CD40: variants seen among roughly 807,000 people sequenced by gnomAD.
CD40 encodes tumor necrosis factor receptor superfamily member 5.
Under a neutral mutation model 38.5 loss-of-function variants are expected in CD40, and 19 were observed. The ratio of observed to expected loss-of-function variants is 0.49; its 90% CI spans 0.34 to 0.72. The LOEUF (loss-of-function observed/expected upper bound fraction) is 0.72. CD40 is among the 30% of genes least tolerant of loss of function. The pLI is 0.01. For synonymous variants in CD40, 130 were observed against 128.7 expected (o/e 1.01, Z -0.07); for missense variants, 256 against 344.1 (o/e 0.74, Z 2.03).
chr20:46,128,379 C>T lies in CD40; in HGVS notation c.675+21C>T, dbSNP rs73310754. ...ATAAGGTAGGTCACCCCTGAGAACC[C>T]GGGACAGAGTTTTGACAAACTGGGA... is the stretch of plus-strand genomic sequence containing the variant. On this transcript the variant is annotated intron_variant, in intron 8 of 8. Transcript: ENST00000372285. 1.2e-3 allele frequency: 1,858 copies of T among 1,611,304 alleles called. 25 individuals carry two copies. In the African/African-American group the frequency reaches 0.02, roughly 17 times the overall value.
At position 46,122,273 on chromosome 20, in the gene CD40, G is replaced by A. The variant is rs115724543; in HGVS notation, c.171G>A (p.Thr57=). ...GTGACTGCACAGAGTTCACTGAAACGGAATGCCTTCCTTGCGGTGAAAGCG... is the reference window on the plus strand; with the variant it reads ...GTGACTGCACAGAGTTCACTGAAACAGAATGCCTTCCTTGCGGTGAAAGCG... ...LVSDCTEFTE[T]ECLPCGESEF... The change falls in exon 3 of 9, where the codon ACG becomes ACA. Residue 57 remains threonine, a synonymous_variant. Coordinates refer to ENST00000372285, the MANE Select transcript of CD40 (RefSeq NM_001250.6). This position sits in a 1 kb window ranked among gnomAD's most constrained non-coding sequence, Gnocchi z 5.0. 20 of 1,614,180 alleles carry A rather than the reference G, an allele frequency of 1.2e-5. No homozygotes were observed. The highest frequency in any genetic ancestry group is 1.1e-4 in the African/African-American group (8 of 75,038).
chr20:46,120,582 G>A (rs1388201830), intron 1 of CD40, among the ~76,000 whole-genome samples: 1 of 152,224 alleles, frequency 6.6e-6, no homozygotes, highest in Non-Finnish European at 1.5e-5. Flanking sequence ...GCCTCTCAAA[G>A]GCTTGCTAAT....
chr20:46,129,067 A>G lies in CD40; in HGVS notation c.*27A>G. Reference sequence around the variant, plus strand: ...GCTGCACCCACCCAGGAGTGTGGCCACGTGGGCAAACAGGCAGTTGGCCAG... The same window carrying G: ...GCTGCACCCACCCAGGAGTGTGGCCGCGTGGGCAAACAGGCAGTTGGCCAG... On this transcript the variant is annotated 3_prime_UTR_variant, in exon 9 of 9. Coordinates refer to ENST00000372285, the MANE Select transcript of CD40 (RefSeq NM_001250.6). 1 of 1,613,036 alleles carries G rather than the reference A, an allele frequency of 6.2e-7. No individual in the cohort carries two copies. Among genetic ancestry groups the G allele is most frequent in the Non-Finnish European group, 8.5e-7 (1 of 1,179,438 alleles).
intron 5 of CD40, among the ~76,000 whole-genome samples, chr20:46,125,469 G>T (rs1020513205): frequency 2.0e-5 from 3 of 149,946 alleles, no homozygotes; most frequent in Admixed American, 1.3e-4. Flanking sequence ...GCTTGAACCT[G>T]GGAGGTGGAG....
At chr20:46,120,056 T>A (rs1229560522) in intron 1 of CD40, among the ~76,000 whole-genome samples, 1 of 152,154 alleles carries the variant, frequency 6.6e-6, no homozygotes, top group Non-Finnish European at 1.5e-5. Context: ...CTTTTCTACT[T>A]CCTTTCCCAT....
chr20:46,124,751 GTTTTTT>G lies in CD40; in HGVS notation c.497+1560_497+1565del, dbSNP rs780015926. ...GATAACTGGAGGCACCACTGGTATA[GTTTTTT>G]TTTTTTTTTTTTTTTTTTTTTTTTT... On this transcript the variant is annotated intron_variant, in intron 5 of 8. Coordinates refer to ENST00000372285, the MANE Select transcript of CD40 (RefSeq NM_001250.6). Among the ~76,000 whole-genome samples, 76 of 73,958 alleles carry G rather than the reference GTTTTTT, an allele frequency of 1.0e-3. 1 individual carries two copies. The highest frequency in any genetic ancestry group is 1.2e-3 in the African/African-American group (22 of 18,158). The allele number at this position is 73,958 out of a possible 152,430, so 48.5% of individuals were successfully genotyped here. A position where few individuals can be genotyped will look rare whatever the true frequency, so the allele number is the denominator to read the frequency against.
At chr20:46,123,318 A>G in intron 5 of CD40, 99 bp downstream of exon 5, 1 of 913,722 alleles carries the variant, frequency 1.1e-6, no homozygotes, top group Admixed American at 1.7e-5. Flanking sequence ...CCAGAGGTCC[A>G]CACACACTCA....
chr20:46,127,684 T>A lies in CD40; in HGVS notation c.560-454T>A, dbSNP rs77267631. 1.6e-3 allele frequency among the ~76,000 whole-genome samples: 239 copies of A among 152,368 alleles called. 9 individuals are homozygous for A. The East Asian group carries it at 0.044, about 28-fold the overall frequency. On this transcript the variant is annotated intron_variant, in intron 6 of 8. Transcript: ENST00000372285. Reference sequence around the variant, plus strand: ...AAAAAAAATTCGGCATGAGAAATACTTTACCTTTCCCCTCCACTCTTCTAT... The same window carrying A: ...AAAAAAAATTCGGCATGAGAAATACATTACCTTTCCCCTCCACTCTTCTAT...
chr20:46,123,055 A>ACTGG, intron 4 of CD40, 71 bp from the exon 5 acceptor site: 1 of 1,220,986 alleles, frequency 8.2e-7, no homozygotes, highest in Admixed American at 1.7e-5. Context: ...CTGCCTGGCC[A>ACTGG]CTGGCTGCCT....
intron 1 of CD40, among the ~76,000 whole-genome samples, chr20:46,121,175 A>G (rs1043535607): frequency 2.6e-5 from 4 of 152,262 alleles, no homozygotes; most frequent in African/African-American, 9.6e-5. Context: ...AGAGAGGAGC[A>G]TTGAGACCTG....
intron 5 of CD40, among the ~76,000 whole-genome samples, chr20:46,124,911 C>T (rs1398050640): frequency 6.6e-6 from 1 of 151,398 alleles, no homozygotes; most frequent in Non-Finnish European, 1.5e-5. Context: ...GGACTATAGG[C>T]GCCCGCCACC....
rs2085325980 is a variant in CD40, at chr20:46,121,897, A to G, written c.129A>G (p.Pro43=). The part of the protein sequence containing the change: ...INSQCCSLCQ[P]GQKLVSDCTE... ...GTCAGTGCTGTTCTTTGTGCCAGCC[A>G]GGTGAGATGCCAACCCTCTAGCCCC... The change falls in exon 2 of 9, where the codon CCA becomes CCG. Residue 43 remains proline, a splice_region_variant and synonymous_variant. Transcript: ENST00000372285. 1 of 1,612,992 alleles carries G rather than the reference A, an allele frequency of 6.2e-7. No individual in the cohort carries two copies. The highest frequency in any genetic ancestry group is 1.3e-5 in the African/African-American group (1 of 74,926).
chr20:46,119,073 T>G (rs921310459), intron 1 of CD40, among the ~76,000 whole-genome samples: 2 of 138 alleles, frequency 0.014, no homozygotes, highest in African/African-American at 0.077. Flanking sequence ...TCTGGTTGGC[T>G]CTGACAGGGC....
chr20:46,127,073 A>G (rs1276733267), intron 6 of CD40: 1 of 316,702 alleles, frequency 3.2e-6, no homozygotes, highest in Non-Finnish European at 6.1e-6. Flanking sequence ...AACATGGTAC[A>G]TGTATACATA....
chr20:46,119,179 A>G (rs11569305), intron 1 of CD40, among the ~76,000 whole-genome samples: 2 of 152,312 alleles, frequency 1.3e-5, no homozygotes, highest in South Asian at 2.1e-4. Flanking sequence ...AGAAGCCTAC[A>G]CTTGACTCAC....
rs1017859412 is a variant in CD40 at position 46,121,923 on chromosome 20, A to G, written c.130+25A>G. On this transcript the variant is annotated intron_variant, in intron 2 of 8. Coordinates refer to ENST00000372285, the MANE Select transcript of CD40 (RefSeq NM_001250.6). ...GGTGAGATGCCAACCCTCTAGCCCCATCATGGAGTCCCCCTTTGCTTTGGT... is the reference window on the plus strand; with the variant it reads ...GGTGAGATGCCAACCCTCTAGCCCCGTCATGGAGTCCCCCTTTGCTTTGGT... 3.8e-6 allele frequency: 6 copies of G among 1,584,204 alleles called. No homozygotes were observed. In the African/African-American group the frequency reaches 5.4e-5, roughly 14 times the overall value.
intron 1 of CD40, among the ~76,000 whole-genome samples, chr20:46,120,707 CT>C (rs1203223485): frequency 6.6e-6 from 1 of 152,144 alleles, no homozygotes; most frequent in East Asian, 1.9e-4. Context: ...TTAGGGTTAC[CT>C]TTTATTTATG....
intron 5 of CD40, among the ~76,000 whole-genome samples, chr20:46,125,315 G>A (rs2085411677): frequency 6.6e-6 from 1 of 151,756 alleles, no homozygotes; most frequent in African/African-American, 2.4e-5. Context: ...GGAGGCCGAG[G>A]AGGGCAGATC....
At position 46,122,110 on chromosome 20, in the gene CD40, A is replaced by C. The variant is rs1224277237; in HGVS notation, c.131-123A>C. The C allele has an allele frequency of 1.5e-6, 2 of 1,312,026 alleles. No individual in the cohort carries two copies. The highest frequency in any genetic ancestry group is 1.1e-6 in the Non-Finnish European group (1 of 911,614). 81.3% of individuals were successfully genotyped at this position (1,312,026 alleles called of 1,614,324 possible). A position where few individuals can be genotyped will look rare whatever the true frequency, so the allele number is the denominator to read the frequency against. Reference sequence around the variant, plus strand: ...GCTTCTCCATCTTCCTCGCCTGATTATGAAGGATCCAAGACTTTCATCTTT... The same window carrying C: ...GCTTCTCCATCTTCCTCGCCTGATTCTGAAGGATCCAAGACTTTCATCTTT... On this transcript the variant is annotated intron_variant, in intron 2 of 8. Coordinates refer to ENST00000372285, the MANE Select transcript of CD40 (RefSeq NM_001250.6). The surrounding 1 kb of genome is among the most constrained non-coding windows in gnomAD (Gnocchi z 5.0).
Sources: allele counts gnomAD v4.1 joint callset (sites outside exome capture counted in the v4.1 genomes callset), GRCh38; gene constraint gnomAD v4.1.1; non-coding constraint Gnocchi (gnomAD v3.1); transcripts MANE v1.5; gene names NCBI Gene and HGNC (gene_info 2026-07-23, HGNC 2026-07-21).